The following ZNF521 variants were observed in gnomAD, a reference collection of about 807,000 sequenced individuals.
The protein encoded by ZNF521 is zinc finger protein 521, also known as LYST-interacting protein 3.
Under a neutral mutation model 105.5 loss-of-function variants are expected in ZNF521, and 14 were observed. The observed-to-expected ratio is 0.13, with a 90% CI of 0.09 to 0.21. The LOEUF is 0.21. Among genes scored for constraint, ZNF521 ranks in the 10% least tolerant of loss-of-function variants. ZNF521 has a pLI of 1.00. For missense variants in ZNF521, 1,233 were observed against 1,629.7 expected, an observed-to-expected ratio of 0.76 and a Z score of 4.19; for synonymous variants, 635 against 606.0, an observed-to-expected ratio of 1.05 and a Z score of -0.70.
chr18:25,096,217 C>T (rs998131560), intron 5 of ZNF521, among the ~76,000 whole-genome samples: 7 of 152,126 alleles, frequency 4.6e-5, no homozygotes, highest in Non-Finnish European at 1.0e-4. Flanking sequence ...CAAAGGAAAG[C>T]GTCTGCATAC....
chr18:25,334,095 T>C (rs1158467809), intron 2 of ZNF521, among the ~76,000 whole-genome samples: 1 of 152,192 alleles, frequency 6.6e-6, no homozygotes, highest in Non-Finnish European at 1.5e-5. Context: ...ACCACTAAAA[T>C]ATCTCCCAGA....
intron 2 of ZNF521, among the ~76,000 whole-genome samples, chr18:25,349,429 C>A (rs1914604653): frequency 1.3e-5 from 2 of 152,202 alleles, no homozygotes; most frequent in African/African-American, 4.8e-5. Context: ...GAGACACATG[C>A]CAATGATTCA....
At chr18:25,229,983 C>T (rs2144751653) in intron 3 of ZNF521, among the ~76,000 whole-genome samples, 1 of 152,298 alleles carries the variant, frequency 6.6e-6, no homozygotes, top group East Asian at 1.9e-4. Flanking sequence ...CAATCCCTAA[C>T]ACCAGGCTTA....
chr18:25,080,029 T>C (rs1309521114), intron 7 of ZNF521, among the ~76,000 whole-genome samples: 1 of 152,132 alleles, frequency 6.6e-6, no homozygotes, highest in Non-Finnish European at 1.5e-5. Context: ...GGGTTTCCAG[T>C]GAAGGATGGT....
At chr18:25,147,699 G>T (rs192811805) in intron 5 of ZNF521, among the ~76,000 whole-genome samples, 1 of 152,140 alleles carries the variant, frequency 6.6e-6, no homozygotes, top group Non-Finnish European at 1.5e-5. Flanking sequence ...AGGGCTGCTT[G>T]TATTTCTCCC....
intron 3 of ZNF521, among the ~76,000 whole-genome samples, chr18:25,258,622 A>G (rs1299458144): frequency 2.0e-5 from 3 of 152,208 alleles, no homozygotes; most frequent in Non-Finnish European, 4.4e-5. Flanking sequence ...ATAGACCATA[A>G]GGACAGAAGC....
intron 7 of ZNF521, among the ~76,000 whole-genome samples, chr18:25,076,036 A>G (rs2033352983): frequency 6.6e-6 from 1 of 152,198 alleles, no homozygotes; most frequent in Non-Finnish European, 1.5e-5. Flanking sequence ...CTGAGAAAGT[A>G]TGTGTCACCC....
At chr18:25,325,049 G>A (rs1375645075) in intron 2 of ZNF521, among the ~76,000 whole-genome samples, 4 of 152,132 alleles carry the variant, frequency 2.6e-5, no homozygotes, top group South Asian at 2.1e-4. Flanking sequence ...GCCAACTGGC[G>A]AATTTGTTTT....
intron 2 of ZNF521, among the ~76,000 whole-genome samples, chr18:25,325,573 T>C (rs1460391952): frequency 1.3e-5 from 2 of 152,092 alleles, no homozygotes; most frequent in Non-Finnish European, 2.9e-5. Context: ...CCCCAAACTC[T>C]CTACACTGCA....
chr18:25,112,606 T>A (rs1600046052), intron 5 of ZNF521, among the ~76,000 whole-genome samples: 1 of 152,230 alleles, frequency 6.6e-6, no homozygotes, highest in Non-Finnish European at 1.5e-5. Flanking sequence ...ACTTAATGTA[T>A]GAACCTTGAC....
chr18:25,293,146 T>G (rs1030690036), intron 3 of ZNF521, among the ~76,000 whole-genome samples: 1 of 152,220 alleles, frequency 6.6e-6, no homozygotes, highest in Admixed American at 6.5e-5. Context: ...CAAAAAGTTC[T>G]GGATACCCTG....
chr18:25,189,786 A>G (rs45464792), intron 5 of ZNF521, among the ~76,000 whole-genome samples: 2,429 of 152,348 alleles, frequency 0.016, 26 homozygotes, highest in Non-Finnish European at 0.025. Context: ...AATTTTTTAG[A>G]CAAAAGTTAC....
Position 25,215,206 on chromosome 18 carries a change from GAA to G in ZNF521, c.3573+9137_3573+9138del, listed in dbSNP as rs151177163. On this transcript the variant is annotated intron_variant, in intron 4 of 7. Coordinates refer to ENST00000361524, the MANE Select transcript of ZNF521 (RefSeq NM_015461.3). ...AAGTAGGTTAAGAATAGAACCTTTA[GAA>G]ACATGCACATTTAAAAGATAAAAAA... Among the ~76,000 whole-genome samples, 96 of 152,184 alleles carry G rather than the reference GAA, an allele frequency of 6.3e-4. 1 individual carries two copies. The East Asian group carries it at 0.018, about 29-fold the overall frequency.
intron 3 of ZNF521, among the ~76,000 whole-genome samples, chr18:25,255,675 A>T (rs1297364842): frequency 6.6e-6 from 1 of 152,068 alleles, no homozygotes; most frequent in Admixed American, 6.6e-5. Context: ...GATAGAGGCT[A>T]AGAAGATATG....
intron 2 of ZNF521, 80 bp from the exon 3 acceptor site, chr18:25,322,267 A>T: frequency 7.2e-7 from 1 of 1,397,140 alleles, no homozygotes; most frequent in Non-Finnish European, 1.0e-6. Flanking sequence ...TGCTACCAAA[A>T]ACAGAAACAC....
chr18:25,079,666 A>G lies in ZNF521; in HGVS notation c.3906+9799T>C, dbSNP rs549139680. On this transcript the variant is annotated intron_variant, in intron 7 of 7. Coordinates refer to ENST00000361524, the MANE Select transcript of ZNF521 (RefSeq NM_015461.3). ...AGACAGCTAGGAAGTGAGCGCACAG[A>G]TGGTGGGGGGGACGCAGGGTGCTCT... Among the ~76,000 whole-genome samples the G allele has an allele frequency of 1.6e-4, 23 of 141,494 alleles. 1 individual carries two copies. Among genetic ancestry groups the G allele is most frequent in the South Asian group, 1.3e-3 (6 of 4,630 alleles). The allele number at this position is 141,494 out of a possible 152,430, so 92.8% of individuals were successfully genotyped here. A position where few individuals can be genotyped will look rare whatever the true frequency, so the allele number is the denominator to read the frequency against.
At chr18:25,335,609 C>T (rs1025662930) in intron 2 of ZNF521, among the ~76,000 whole-genome samples, 1 of 152,182 alleles carries the variant, frequency 6.6e-6, no homozygotes, top group Non-Finnish European at 1.5e-5. Flanking sequence ...AGTGGCCTCG[C>T]TCAATCCTCT....
At chr18:25,295,912 C>A (rs543107386) in intron 3 of ZNF521, among the ~76,000 whole-genome samples, 1 of 152,296 alleles carries the variant, frequency 6.6e-6, no homozygotes, top group East Asian at 1.9e-4. Context: ...TTTAAACTCC[C>A]GCCAGCAGTG....
chr18:25,185,520 G>T (rs1428764208), intron 5 of ZNF521, among the ~76,000 whole-genome samples: 1 of 152,106 alleles, frequency 6.6e-6, no homozygotes, highest in Non-Finnish European at 1.5e-5. Context: ...AGAATAATCT[G>T]GTGCAAATGG....
Sources: gnomAD v4.1 joint callset for allele counts (sites outside exome capture counted in the v4.1 genomes callset) on GRCh38, gnomAD v4.1.1 for gene constraint, MANE v1.5 for transcripts, NCBI Gene and HGNC (gene_info 2026-07-23, HGNC 2026-07-21) for gene names.